Variants in ZC3H3 observed in about 807,000 individuals in gnomAD.
ZC3H3 encodes zinc finger CCCH domain-containing protein 3.
ZC3H3 carries 36 observed loss-of-function variants against 77.3 expected under a neutral mutation model. That is an observed-to-expected ratio of 0.47 (90% CI 0.36 to 0.61). The LOEUF is 0.61. Among genes scored for constraint, ZC3H3 ranks in the 20% least tolerant of loss-of-function variants. The probability of loss-of-function intolerance (pLI) is 0.00; values close to 1 mark genes in which losing one functional copy is unlikely to be tolerated. For missense variants in ZC3H3, 1,331 were observed against 1,312.2 expected, an observed-to-expected ratio of 1.01 and a Z score of -0.22; for synonymous variants, 626 against 555.2, an observed-to-expected ratio of 1.13 and a Z score of -1.79.
At chr8:143,439,769 G>A (rs1563829272) in intron 11 of ZC3H3, among the ~76,000 whole-genome samples, 1 of 152,240 alleles carries the variant, frequency 6.6e-6, no homozygotes, top group Non-Finnish European at 1.5e-5. Context: ...TGACGTGGTG[G>A]TCTGAGGGGG....
At chr8:143,490,124 G>A (rs554468991) in intron 4 of ZC3H3, among the ~76,000 whole-genome samples, 3 of 152,202 alleles carry the variant, frequency 2.0e-5, no homozygotes, top group South Asian at 2.1e-4. Context: ...GGGCAGGGGC[G>A]GCGGGGGTGA....
intron 4 of ZC3H3, among the ~76,000 whole-genome samples, chr8:143,501,698 C>G (rs1423004563): frequency 6.6e-6 from 1 of 150,866 alleles, no homozygotes; most frequent in African/African-American, 2.4e-5. Flanking sequence ...CCTCTGACTA[C>G]AGGTGTGAGC....
chr8:143,534,279 TAA>T (rs551776128), intron 3 of ZC3H3, among the ~76,000 whole-genome samples: 120 of 123,498 alleles, frequency 9.7e-4, no homozygotes, highest in African/African-American at 3.4e-3. Context: ...CTAAAAACAT[TAA>T]AAAAAAAAAA....
intron 4 of ZC3H3, among the ~76,000 whole-genome samples, chr8:143,485,594 C>A (rs1261872948): frequency 6.6e-6 from 1 of 152,202 alleles, no homozygotes; most frequent in Non-Finnish European, 1.5e-5. Flanking sequence ...AGCCAAGCTT[C>A]TAGAAGAAAA....
chr8:143,444,611 A>C (rs564350242), intron 9 of ZC3H3, among the ~76,000 whole-genome samples: 2 of 152,386 alleles, frequency 1.3e-5, no homozygotes, highest in African/African-American at 4.8e-5. Context: ...TTAAAAGAGA[A>C]GAATCATATG....
chr8:143,473,071 G>A (rs1176273069), intron 5 of ZC3H3, among the ~76,000 whole-genome samples: 1 of 152,220 alleles, frequency 6.6e-6, no homozygotes, highest in African/African-American at 2.4e-5. Context: ...CGTACGTCAG[G>A]ACATCATGGT....
chr8:143,524,127 G>A (rs373996216), intron 3 of ZC3H3, among the ~76,000 whole-genome samples: 14 of 152,352 alleles, frequency 9.2e-5, no homozygotes, highest in East Asian at 3.9e-4. Flanking sequence ...GAGAGACACC[G>A]GGCACAGTGC....
In ZC3H3 at chr8:143,493,558, C is replaced by T. The variant is rs893678562; in HGVS notation, c.1715+14188G>A. Among the ~76,000 whole-genome samples, 1 of 152,212 alleles carries T rather than the reference C, an allele frequency of 6.6e-6. No homozygotes were observed. Among genetic ancestry groups the T allele is most frequent in the African/African-American group, 2.4e-5 (1 of 41,452 alleles). On this transcript the variant is annotated intron_variant, in intron 4 of 11. Coordinates refer to ENST00000262577, the MANE Select transcript of ZC3H3 (RefSeq NM_015117.3). This position sits in a 1 kb window ranked among gnomAD's most constrained non-coding sequence, Gnocchi z 4.8. ...GCCATGGGCACTGCCAAGGACTCCA[C>T]TCACAAAGCCGAAAGGCCTGCCTGC...
chr8:143,498,040 A>G (rs1378617951), intron 4 of ZC3H3, among the ~76,000 whole-genome samples: 1 of 152,230 alleles, frequency 6.6e-6, no homozygotes, highest in Non-Finnish European at 1.5e-5. Flanking sequence ...CAGGCCCTCA[A>G]CACACACCGG....
At chr8:143,455,694 C>T (rs116838385) in intron 9 of ZC3H3, among the ~76,000 whole-genome samples, 1,775 of 152,092 alleles carry the variant, frequency 0.012, 40 homozygotes, top group African/African-American at 0.04. Flanking sequence ...AAAAGGCAGC[C>T]GGGCGTGATG....
rs1820476077 is a variant in ZC3H3 at position 143,468,517 on chromosome 8, G to A, written c.1970C>T (p.Ala657Val). Reference protein sequence around the residue: ...LASRAVQRSLAIIRQARQRRE... With the variant: ...LASRAVQRSLVIIRQARQRRE... ...GCGCTGCCGCGCCTGCCGGATGATG[G>A]CCAGGCTGCGCTGCACTGCCCGGCT... The change falls in exon 7 of 12, where the codon GCC becomes GTC. Residue 657 changes from alanine to valine, a missense_variant. Ala to Val is a moderately conservative substitution (Grantham distance 64). Around this residue, in one of 3 missense-constraint regions of ZC3H3, gnomAD observed 978 missense variants for 915.5 expected, o/e 1.07. Coordinates refer to ENST00000262577, the MANE Select transcript of ZC3H3 (RefSeq NM_015117.3). 1 of 1,608,624 alleles carries A rather than the reference G, an allele frequency of 6.2e-7. No homozygotes were observed. The highest frequency in any genetic ancestry group is 8.5e-7 in the Non-Finnish European group (1 of 1,178,102).
chr8:143,490,902 G>A (rs999183301), intron 4 of ZC3H3, among the ~76,000 whole-genome samples: 24 of 147,846 alleles, frequency 1.6e-4, no homozygotes, highest in African/African-American at 3.9e-4. Flanking sequence ...GCAAGACTCC[G>A]TCTCAAAATA....
At chr8:143,480,451 C>A (rs943254835) in intron 4 of ZC3H3, among the ~76,000 whole-genome samples, 1 of 152,248 alleles carries the variant, frequency 6.6e-6, no homozygotes, top group African/African-American at 2.4e-5. Flanking sequence ...GTCATGTGGG[C>A]CGTGCAGGCT....
In ZC3H3 at chr8:143,507,814, C is replaced by A. The variant is rs140659746; in HGVS notation, c.1647G>T (p.Ser549=). Residue 549 remains serine (S), a synonymous_variant, in exon 4 of 12, where the codon TCG becomes TCT. Coordinates refer to ENST00000262577, the MANE Select transcript of ZC3H3 (RefSeq NM_015117.3). ...RYRIVKKTPA[S]PLSAPPFPLS... ...GGGGGAAGGGCGGGGCGCTGAGAGG[C>A]GAGGCCGGCGTCTTCTTGACAATGC... The A allele has an allele frequency of 4.8e-5, 77 of 1,608,532 alleles. No individual in the cohort carries two copies. In the African/African-American group the frequency reaches 6.3e-4, roughly 13 times the overall value.
At chr8:143,532,331 C>T (rs1052429518) in intron 3 of ZC3H3, among the ~76,000 whole-genome samples, 5 of 152,234 alleles carry the variant, frequency 3.3e-5, no homozygotes, top group Admixed American at 1.3e-4. Context: ...GGGAGGGAGG[C>T]GGCAGCAGGG....
chr8:143,514,797 G>A (rs1821980687), intron 3 of ZC3H3, among the ~76,000 whole-genome samples: 1 of 152,248 alleles, frequency 6.6e-6, no homozygotes, highest in East Asian at 1.9e-4. Flanking sequence ...GTGCAGTGAG[G>A]GGCTGCATGG....
chr8:143,449,784 G>A (rs1476426331), intron 9 of ZC3H3, among the ~76,000 whole-genome samples: 3 of 152,048 alleles, frequency 2.0e-5, no homozygotes, highest in Non-Finnish European at 4.4e-5. Context: ...CCACCAGATA[G>A]CCTAAATCAT....
chr8:143,456,993 C>G (rs888580813), intron 9 of ZC3H3, among the ~76,000 whole-genome samples: 5 of 152,166 alleles, frequency 3.3e-5, no homozygotes, highest in African/African-American at 1.2e-4. Flanking sequence ...ACAGACAAAT[C>G]CACAATTATA....
chr8:143,452,582 C>T (rs1370467963), intron 9 of ZC3H3, among the ~76,000 whole-genome samples: 12 of 151,578 alleles, frequency 7.9e-5, no homozygotes, highest in Admixed American at 7.9e-4. Flanking sequence ...CTTCTACATG[C>T]AATACAAACA....
Sources: gnomAD v4.1 joint callset for allele counts (sites outside exome capture counted in the v4.1 genomes callset) on GRCh38, gnomAD v4.1.1 for gene constraint, gnomAD v4.1.1 regional missense constraint, Gnocchi (gnomAD v3.1) non-coding constraint, MANE v1.5 for transcripts, NCBI Gene and HGNC (gene_info 2026-07-23, HGNC 2026-07-21) for gene names.